Variants in RARB observed in about 807,000 individuals in gnomAD.
RARB encodes HBV-activated protein.
RARB carries 17 observed loss-of-function variants against 51.9 expected under a neutral mutation model. That is an observed-to-expected ratio of 0.33 (90% CI 0.22 to 0.49). RARB has a LOEUF of 0.49. Among genes scored for constraint, RARB ranks in the 20% least tolerant of loss-of-function variants. The pLI is 0.99. For synonymous variants in RARB, 215 were observed against 195.4 expected (o/e 1.10, Z -0.84); for missense variants, 369 against 550.8 (o/e 0.67, Z 3.30).
At chr3:25,434,664 C>G (rs1210211046) in intron 1 of RARB, among the ~76,000 whole-genome samples, 1 of 151,690 alleles carries the variant, frequency 6.6e-6, no homozygotes, top group African/African-American at 2.4e-5. Flanking sequence ...GCCTCAGCCT[C>G]CTGAGTAGCT....
intron 5 of RARB, among the ~76,000 whole-genome samples, chr3:25,347,987 C>T (rs532875066): frequency 6.6e-6 from 1 of 152,282 alleles, no homozygotes; most frequent in South Asian, 2.1e-4. Flanking sequence ...GCAATACTGG[C>T]CCTGTCTTCC....
chr3:24,858,829 G>A (rs1702682196), intron 2 of RARB: 1 of 151,854 alleles, frequency 6.6e-6, no homozygotes, highest in Non-Finnish European at 1.5e-5. Context: ...TTGAGGTTAG[G>A]AGTTCGAGAC....
chr3:25,026,017 C>A (rs1044720596), intron 2 of RARB, among the ~76,000 whole-genome samples: 3 of 152,046 alleles, frequency 2.0e-5, no homozygotes, highest in African/African-American at 7.2e-5. Flanking sequence ...GTCTGCATTG[C>A]CAGAACCAGT....
intron 2 of RARB, among the ~76,000 whole-genome samples, chr3:24,896,802 G>T (rs1195178793): frequency 6.6e-6 from 1 of 152,172 alleles, no homozygotes; most frequent in Non-Finnish European, 1.5e-5. Flanking sequence ...GAATGGGGCA[G>T]TATAGTCTCC....
chr3:25,425,303 G>A (rs951441848), upstream of RARB, among the ~76,000 whole-genome samples: 7 of 152,076 alleles, frequency 4.6e-5, no homozygotes, highest in Admixed American at 1.3e-4. Flanking sequence ...GCTTATTTAT[G>A]TATCTTTCCT....
intron 2 of RARB, chr3:25,020,112 A>ATTT (rs1408952454): frequency 5.8e-4 from 20 of 34,612 alleles, no homozygotes; most frequent in African/African-American, 1.4e-3. Flanking sequence ...CTCTATTATT[A>ATTT]TTATTATTAT....
At chr3:25,487,471 ACT>A (rs1491463929) in intron 2 of RARB, among the ~76,000 whole-genome samples, 2 of 62,750 alleles carry the variant, frequency 3.2e-5, no homozygotes, top group African/African-American at 7.2e-5. Context: ...TATGTCCGGC[ACT>A]TTTTTTTTTT....
At chr3:25,580,131 T>C (rs1323090389) in intron 4 of RARB, among the ~76,000 whole-genome samples, 1 of 152,170 alleles carries the variant, frequency 6.6e-6, no homozygotes, top group African/African-American at 2.4e-5. Context: ...TCCCAGCACT[T>C]TGGGAGGCCG....
chr3:25,469,385 C>T (rs1049867405), intron 2 of RARB, among the ~76,000 whole-genome samples: 1 of 152,188 alleles, frequency 6.6e-6, no homozygotes, highest in Non-Finnish European at 1.5e-5. Context: ...ATATTTTTAG[C>T]TTTCCTCACT....
chr3:25,217,454 T>C (rs1701858627), intron 5 of RARB, among the ~76,000 whole-genome samples: 1 of 152,078 alleles, frequency 6.6e-6, no homozygotes, highest in Non-Finnish European at 1.5e-5. Context: ...ACCCCAGGAA[T>C]GATTGAGAGA....
intron 5 of RARB, among the ~76,000 whole-genome samples, chr3:25,178,429 A>G (rs1328281109): frequency 6.6e-6 from 1 of 152,090 alleles, no homozygotes; most frequent in African/African-American, 2.4e-5. Flanking sequence ...CTGCCATTCC[A>G]TTACAGAAGT....
chr3:25,231,231 A>G (rs1276362538), intron 5 of RARB, among the ~76,000 whole-genome samples: 2 of 152,182 alleles, frequency 1.3e-5, no homozygotes, highest in Non-Finnish European at 2.9e-5. Flanking sequence ...AAGTTTAATT[A>G]AAGGGATTGT....
chr3:25,541,437 C>T (rs1030089512), intron 3 of RARB, among the ~76,000 whole-genome samples: 2 of 152,098 alleles, frequency 1.3e-5, no homozygotes, highest in African/African-American at 4.8e-5. Context: ...TTTTGTGTTC[C>T]TATCTACCTC....
intron 1 of RARB, among the ~76,000 whole-genome samples, chr3:24,840,850 A>G (rs1374821734): frequency 6.6e-6 from 1 of 151,938 alleles, no homozygotes; most frequent in Non-Finnish European, 1.5e-5. Flanking sequence ...TTTACTGGAC[A>G]TCTATCCTTT....
chr3:25,165,592 T>A (rs1222839046), intron 4 of RARB, among the ~76,000 whole-genome samples: 1 of 152,180 alleles, frequency 6.6e-6, no homozygotes, highest in African/African-American at 2.4e-5. Flanking sequence ...ATATGTAGCA[T>A]GGAAACTGTT....
intron 5 of RARB, among the ~76,000 whole-genome samples, chr3:25,333,092 C>A (rs1268936433): frequency 6.6e-6 from 1 of 152,128 alleles, no homozygotes; most frequent in Non-Finnish European, 1.5e-5. Context: ...ATGAAAATGG[C>A]CATAGTGCCC....
At chr3:25,284,392 G>T (rs908281583) in intron 5 of RARB, among the ~76,000 whole-genome samples, 7 of 151,970 alleles carry the variant, frequency 4.6e-5, no homozygotes, top group African/African-American at 1.7e-4. Flanking sequence ...TCAGCTTTGA[G>T]TAATAAAAAT....
Position 25,038,137 on chromosome 3 carries a change from G to C in RARB, c.-379-21988G>C, listed in dbSNP as rs562072506. On this transcript the variant is annotated intron_variant, in intron 2 of 11. Coordinates refer to the RARB transcript ENST00000383772. The stretch of plus-strand genomic sequence containing the variant: ...AACAGCCAGTTAATCCTTTAGCATG[G>C]ATGGTCTGTAAGTGAAGGCAAGTCA... Among the ~76,000 whole-genome samples, 5 of 152,240 alleles carry C rather than the reference G, an allele frequency of 3.3e-5. No individual in the cohort carries two copies. The East Asian group carries it at 9.7e-4, about 29-fold the overall frequency.
At chr3:24,931,966 C>G (rs1223655739) in intron 2 of RARB, among the ~76,000 whole-genome samples, 1 of 152,074 alleles carries the variant, frequency 6.6e-6, no homozygotes, top group Non-Finnish European at 1.5e-5. Context: ...AAACTTACAT[C>G]TCCTTCCACA....
Sources: gnomAD v4.1 joint callset for allele counts (sites outside exome capture counted in the v4.1 genomes callset) on GRCh38, gnomAD v4.1.1 for gene constraint, MANE v1.5 for transcripts, NCBI Gene and HGNC (gene_info 2026-07-23, HGNC 2026-07-21) for gene names.